ARID1B: variants seen among roughly 807,000 people sequenced by gnomAD.
The protein encoded by ARID1B is AT-rich interaction domain 1B, also known as AT-rich interactive domain-containing protein 1B.
A neutral mutation model predicts 212.3 loss-of-function variants in ARID1B; 30 were observed. The observed-to-expected ratio is 0.14, with a 90% CI of 0.11 to 0.19. The LOEUF (loss-of-function observed/expected upper bound fraction) is 0.19. Among genes scored for constraint, ARID1B ranks in the 10% least tolerant of loss-of-function variants. The probability of loss-of-function intolerance (pLI) is 1.00; values close to 1 mark genes in which losing one functional copy is unlikely to be tolerated. For missense variants in ARID1B, 2,891 were observed against 3,204.0 expected (o/e 0.90, Z 2.36); for synonymous variants, 1,402 against 1,301.7 (o/e 1.08, Z -1.66).
At chr6:156,841,241 A>G (rs1329487868) in intron 2 of ARID1B, among the ~76,000 whole-genome samples, 1 of 152,008 alleles carries the variant, frequency 6.6e-6, no homozygotes, top group African/African-American at 2.4e-5. Context: ...CCCAGACTTG[A>G]TTTTCACAGT....
rs1779122797 is a variant in ARID1B at position 157,004,890 on chromosome 6, CTTTTTTCTTTTTT to C, written c.2247+69321_2247+69333del. Among the ~76,000 whole-genome samples, 18 of 35,688 alleles carry C rather than the reference CTTTTTTCTTTTTT, an allele frequency of 5.0e-4. No individual in the cohort carries two copies. The South Asian group carries it at 5.7e-3, about 11-fold the overall frequency. 23.4% of individuals were successfully genotyped at this position (35,688 alleles called of 152,430 possible). On this transcript the variant is annotated intron_variant, in intron 4 of 19. Transcript: ENST00000636930. ...GCATTTCTTTTTTCTTTTTCTTCTT[CTTTTTTCTTTTTT>C]TTTTTTTTTTTTTTTTTTTTTTTTT... is the stretch of plus-strand genomic sequence containing the variant.
rs141013186 is a variant in ARID1B at position 157,142,162 on chromosome 6, A to G, written c.2762-6462A>G. On this transcript the variant is annotated intron_variant, in intron 7 of 19. Transcript: ENST00000636930. ...TGTGACGTTGTAGAGAAATAAAATG[A>G]CATGAACGGAAATCAGATCAGTGGT... Among the ~76,000 whole-genome samples the G allele has an allele frequency of 1.6e-3, 247 of 152,344 alleles. 1 individual carries two copies. The highest frequency in any genetic ancestry group is 2.8e-3 in the Non-Finnish European group (192 of 68,038).
intron 4 of ARID1B, among the ~76,000 whole-genome samples, chr6:157,074,857 G>A (rs1784209735): frequency 6.6e-6 from 1 of 152,044 alleles, no homozygotes; most frequent in African/African-American, 2.4e-5. Flanking sequence ...TAACATCATG[G>A]CGTGGTGTAA....
chr6:157,004,009 C>A (rs1275016641), intron 4 of ARID1B, among the ~76,000 whole-genome samples: 1 of 151,960 alleles, frequency 6.6e-6, no homozygotes, highest in East Asian at 1.9e-4. Context: ...GTGGTGCATG[C>A]CAGCAGAGTA....
At chr6:157,108,062 A>T (rs1786619147) in intron 5 of ARID1B, 1 of 152,244 alleles carries the variant, frequency 6.6e-6, no homozygotes, top group Non-Finnish European at 1.5e-5. Flanking sequence ...TTACTGAATC[A>T]TAGTAACTAT....
intron 2 of ARID1B, among the ~76,000 whole-genome samples, chr6:156,867,162 G>A (rs193293352): frequency 1.3e-5 from 2 of 152,334 alleles, no homozygotes; most frequent in East Asian, 3.9e-4. Flanking sequence ...GACATATCTG[G>A]ACCTACTAAA....
chr6:157,020,150 G>A (rs1405897831), intron 4 of ARID1B, among the ~76,000 whole-genome samples: 1 of 152,110 alleles, frequency 6.6e-6, no homozygotes, highest in Non-Finnish European at 1.5e-5. Context: ...CAAATTTGCC[G>A]TTCAGGAAAT....
chr6:156,989,874 G>T (rs1358385548), intron 4 of ARID1B, among the ~76,000 whole-genome samples: 1 of 152,194 alleles, frequency 6.6e-6, no homozygotes, highest in Non-Finnish European at 1.5e-5. Context: ...TTGCTGCCAT[G>T]TGGGAGAATG....
intron 4 of ARID1B, among the ~76,000 whole-genome samples, chr6:156,975,954 C>A (rs1777213723): frequency 6.9e-6 from 1 of 144,028 alleles, no homozygotes; most frequent in Non-Finnish European, 1.5e-5. Context: ...GAGTTGGGAG[C>A]AGTTTTTTTG....
chr6:157,054,289 G>A (rs997846099), intron 4 of ARID1B, among the ~76,000 whole-genome samples: 4 of 152,018 alleles, frequency 2.6e-5, no homozygotes, highest in African/African-American at 9.7e-5. Flanking sequence ...TTTTCCCCTT[G>A]GAAATGCTGT....
rs2128365838 is a variant in ARID1B, at chr6:157,198,800, C to T, written c.4383-11C>T. The T allele has an allele frequency of 1.9e-6, 3 of 1,602,340 alleles. No individual in the cohort carries two copies. In the South Asian group the frequency reaches 3.4e-5, roughly 18 times the overall value. On this transcript the variant is annotated splice_polypyrimidine_tract_variant and intron_variant, in intron 16 of 19. Transcript: ENST00000636930. ...TTCTCAGTTAAGTTTTCTTTGAATG[C>T]CTCATTCCAGGCATGAACCTTATGG... is the stretch of plus-strand genomic sequence containing the variant.
At position 156,849,481 on chromosome 6, in the gene ARID1B, A is replaced by C. The variant is rs1251005074; in HGVS notation, c.1986+20060A>C. ...AGCCAACATGTGGGACCCGCTGCTA[A>C]GACTTAAAATATTAAATAGCAGAAT... On this transcript the variant is annotated intron_variant, in intron 2 of 19. Transcript: ENST00000636930. 2.0e-5 allele frequency among the ~76,000 whole-genome samples: 3 copies of C among 152,266 alleles called. No individual in the cohort carries two copies. In the South Asian group the frequency reaches 6.2e-4, roughly 32 times the overall value.
chr6:156,847,661 A>G (rs1290914037), intron 2 of ARID1B, among the ~76,000 whole-genome samples: 1 of 152,186 alleles, frequency 6.6e-6, no homozygotes, highest in Non-Finnish European at 1.5e-5. Flanking sequence ...AATGTTAAGG[A>G]TATCTTGAAT....
At chr6:157,158,469 T>C (rs1790708689) in intron 8 of ARID1B, among the ~76,000 whole-genome samples, 5 of 152,200 alleles carry the variant, frequency 3.3e-5, no homozygotes, top group Admixed American at 3.3e-4. Context: ...TTAAGCCCAC[T>C]GACAAGCCCA....
chr6:156,885,713 C>CT (rs1199648446), intron 2 of ARID1B, among the ~76,000 whole-genome samples: 1 of 152,152 alleles, frequency 6.6e-6, no homozygotes, highest in Non-Finnish European at 1.5e-5. Context: ...TACTTTGATA[C>CT]TTTATCCAAA....
intron 4 of ARID1B, 29 bp from the exon 5 acceptor site, chr6:157,084,633 C>A: frequency 6.2e-7 from 1 of 1,609,070 alleles, no homozygotes; most frequent in East Asian, 2.2e-5. Flanking sequence ...AAACGTGTCA[C>A]TCTATAAATA....
intron 4 of ARID1B, among the ~76,000 whole-genome samples, chr6:157,052,900 A>G (rs1168304362): frequency 6.7e-6 from 1 of 149,514 alleles, no homozygotes; most frequent in Non-Finnish European, 1.5e-5. Context: ...TTGTATTTTT[A>G]GTAGAGACGG....
At chr6:157,112,624 T>C (rs1443868815) in intron 6 of ARID1B, among the ~76,000 whole-genome samples, 1 of 152,192 alleles carries the variant, frequency 6.6e-6, no homozygotes, top group African/African-American at 2.4e-5. Context: ...CCCTCTCAGA[T>C]CCTTGAACAA....
chr6:156,905,275 C>CACACACACACAA (rs927985000), intron 3 of ARID1B, among the ~76,000 whole-genome samples: 2 of 151,988 alleles, frequency 1.3e-5, no homozygotes, highest in African/African-American at 4.8e-5. Context: ...CACACACACA[C>CACACACACACAA]ACACACAGAT....
Sources: allele counts gnomAD v4.1 joint callset (sites outside exome capture counted in the v4.1 genomes callset), GRCh38; gene constraint gnomAD v4.1.1; transcripts MANE v1.5; gene names NCBI Gene and HGNC (gene_info 2026-07-23, HGNC 2026-07-21).